Variants in TSPAN11 observed in about 807,000 individuals in gnomAD.
TSPAN11 encodes tetraspanin-11.
A neutral mutation model predicts 32.9 loss-of-function variants in TSPAN11; 29 were observed. That is an observed-to-expected ratio of 0.88 (90% confidence interval 0.66 to 1.20). TSPAN11 has a LOEUF of 1.20. Ranked by LOEUF, TSPAN11 falls within the 50% of genes most tolerant of loss-of-function variation. TSPAN11 has a pLI of 0.00. For synonymous variants in TSPAN11, 140 were observed against 141.3 expected (o/e 0.99, Z 0.07); for missense variants, 283 against 329.1 (o/e 0.86, Z 1.08).
chr12:31,009,806 G>A, the TSPAN11 span, among the ~76,000 whole-genome samples: 4 of 152,184 alleles, frequency 2.6e-5, no homozygotes, highest in Non-Finnish European at 5.9e-5. Flanking sequence ...CTAACGGGCC[G>A]CGTCATCCTG....
At chr12:31,010,461 C>T in the TSPAN11 span, among the ~76,000 whole-genome samples, 2 of 152,044 alleles carry the variant, frequency 1.3e-5, no homozygotes, top group East Asian at 3.9e-4. Flanking sequence ...GGCCCTTGGT[C>T]AAGTGTAGGC....
chr12:30,936,808 C>T (rs185956607), intron 1 of TSPAN11, among the ~76,000 whole-genome samples: 1 of 152,210 alleles, frequency 6.6e-6, no homozygotes, highest in Admixed American at 6.5e-5. Context: ...GAGTCATCAG[C>T]TTGTTGGAGG....
intron 1 of TSPAN11, among the ~76,000 whole-genome samples, chr12:30,953,110 A>G (rs536972671): frequency 6.6e-6 from 1 of 152,180 alleles, no homozygotes; most frequent in Non-Finnish European, 1.5e-5. Context: ...GAGGGACAGC[A>G]TGGTGCTGGG....
intron 1 of TSPAN11, among the ~76,000 whole-genome samples, chr12:30,951,380 C>A (rs1938377965): frequency 1.3e-5 from 2 of 152,166 alleles, no homozygotes; most frequent in South Asian, 4.1e-4. Context: ...ATTAGGGGAA[C>A]CAGCAGTCTC....
rs1253457389 is a variant in TSPAN11 at position 30,979,632 on chromosome 12, A to C, written c.418A>C (p.Thr140Pro). Residue 140 changes from threonine (T) to proline (P), a missense_variant, in exon 5 of 8, where the codon ACG becomes CCG. Transcript: ENST00000546076. ...LAENYGQPGA[T>P]QITASVDRLQ... ...TGAGAACTACGGGCAGCCCGGAGCC[A>C]CGCAGATCACCGCCTCAGTGGACCG... is the stretch of plus-strand genomic sequence containing the variant. The C allele has an allele frequency of 1.9e-6, 3 of 1,614,178 alleles. No homozygotes were observed. The highest frequency in any genetic ancestry group is 3.3e-5 in the Admixed American group (2 of 60,026).
At chr12:30,932,342 T>C (rs1347581200) in intron 1 of TSPAN11, among the ~76,000 whole-genome samples, 2 of 152,240 alleles carry the variant, frequency 1.3e-5, no homozygotes, top group East Asian at 3.8e-4. Flanking sequence ...TAAAAGACTC[T>C]GAGCATTTAA....
chr12:30,970,108 A>G (rs1185607102), intron 3 of TSPAN11, among the ~76,000 whole-genome samples: 1 of 152,218 alleles, frequency 6.6e-6, no homozygotes, highest in Non-Finnish European at 1.5e-5. Context: ...AAGACAGCCA[A>G]TGGGAAAGTC....
the TSPAN11 span, among the ~76,000 whole-genome samples, chr12:31,016,462 A>G: frequency 4.4e-4 from 66 of 151,538 alleles, no homozygotes; most frequent in African/African-American, 1.3e-3. Context: ...GAAAGAAAAG[A>G]AAAGGAAAGG....
chr12:30,926,847 G>T, intron 1 of TSPAN11, 51 bp downstream of exon 1: 1 of 972,850 alleles, frequency 1.0e-6, no homozygotes, highest in Non-Finnish European at 1.3e-6. Context: ...GAGGGGGCTG[G>T]GGGTCCAGGA....
intron 1 of TSPAN11, among the ~76,000 whole-genome samples, chr12:30,943,696 T>A (rs1266671791): frequency 6.6e-6 from 1 of 152,212 alleles, no homozygotes; most frequent in African/African-American, 2.4e-5. Flanking sequence ...GAGCTCGGGA[T>A]CCTTTTGGCT....
chr12:30,927,460 T>C (rs568690365), intron 1 of TSPAN11, among the ~76,000 whole-genome samples: 2 of 152,254 alleles, frequency 1.3e-5, no homozygotes, highest in African/African-American at 4.8e-5. Context: ...GTGGAAAGTA[T>C]GAAAGGGAGG....
At chr12:31,004,306 C>T in the TSPAN11 span, among the ~76,000 whole-genome samples, 4 of 152,306 alleles carry the variant, frequency 2.6e-5, no homozygotes, top group East Asian at 7.7e-4. Context: ...TGCCATGACT[C>T]CAGCTCTTTC....
the TSPAN11 span, among the ~76,000 whole-genome samples, chr12:31,016,456 G>T: frequency 3.3e-4 from 50 of 150,184 alleles, no homozygotes; most frequent in Non-Finnish European, 5.1e-4. Context: ...CTGGTAGAAA[G>T]AAAAGAAAAG....
chr12:30,955,741 A>G (rs1295902035), intron 2 of TSPAN11, among the ~76,000 whole-genome samples: 4 of 152,234 alleles, frequency 2.6e-5, no homozygotes, highest in South Asian at 2.1e-4. Context: ...CTGCATCACT[A>G]TAGTCTCCAA....
chr12:31,007,644 C>CTAGGTAAGGAAA, the TSPAN11 span, among the ~76,000 whole-genome samples: 1 of 151,718 alleles, frequency 6.6e-6, no homozygotes, highest in South Asian at 2.1e-4. Flanking sequence ...TTTTCAAATG[C>CTAGGTAAGGAAA]TAGGGCTCAG....
chr12:31,001,464 C>A (rs977219498), downstream of TSPAN11, among the ~76,000 whole-genome samples: 3 of 152,218 alleles, frequency 2.0e-5, no homozygotes, highest in African/African-American at 7.2e-5. Context: ...CATGTTCACT[C>A]TTCTGGGGCC....
At chr12:30,984,230 G>A (rs897609844) in intron 7 of TSPAN11, among the ~76,000 whole-genome samples, 2 of 152,250 alleles carry the variant, frequency 1.3e-5, no homozygotes, top group Non-Finnish European at 2.9e-5. Flanking sequence ...GAGAAGGGGA[G>A]GAGCAGAGGC....
Position 30,982,593 on chromosome 12 carries a change from G to C in TSPAN11, c.518G>C (p.Arg173Pro). ...DWQHSTYILL[R>P]EAEGRQVPDS... ...CAGCACAGCACGTACATCCTGTTGC[G>C]GGAGGCCGAGGGCCGCCAGGTGCCC... is the stretch of plus-strand genomic sequence containing the variant. The change falls in exon 6 of 8, where the codon CGG (arginine) becomes CCG (proline). Residue 173 changes from arginine to proline, a missense_variant. Physicochemically the swap from Arg to Pro is moderately radical, Grantham distance 103. Coordinates refer to ENST00000546076, the MANE Select transcript of TSPAN11 (RefSeq NM_001370302.1). 1 of 1,613,012 alleles carries C rather than the reference G, an allele frequency of 6.2e-7. No homozygotes were observed. Among genetic ancestry groups the C allele is most frequent in the Non-Finnish European group, 8.5e-7 (1 of 1,179,842 alleles).
Position 30,979,686 on chromosome 12 carries a change from TATGGCCTTG to T in TSPAN11, c.456+18_456+26del. ...CCAGCAGGATGTAAGCCATGCCCCA[TATGGCCTTG>T]AAGGCCAAGCCCACAAGGATTCAAA... On this transcript the variant is annotated intron_variant, in intron 5 of 7. Coordinates refer to ENST00000546076, the MANE Select transcript of TSPAN11 (RefSeq NM_001370302.1). 6.2e-7 allele frequency: 1 copy of T among 1,613,530 alleles called. No individual in the cohort carries two copies. Among genetic ancestry groups the T allele is most frequent in the Non-Finnish European group, 8.5e-7 (1 of 1,179,488 alleles).
Sources: allele counts gnomAD v4.1 joint callset (sites outside exome capture counted in the v4.1 genomes callset), GRCh38; gene constraint gnomAD v4.1.1; transcripts MANE v1.5; gene names NCBI Gene and HGNC (gene_info 2026-07-23, HGNC 2026-07-21).